The following FTCDNL1 variants were observed in gnomAD, a reference collection of about 807,000 sequenced individuals.
The protein encoded by FTCDNL1 is formiminotransferase N-terminal subdomain-containing protein.
A neutral mutation model predicts 5.9 loss-of-function variants in FTCDNL1; 11 were observed. That is an observed-to-expected ratio of 1.87 (90% confidence interval 1.18 to 3.10). The LOEUF (loss-of-function observed/expected upper bound fraction) is 3.10. Among genes scored for constraint, FTCDNL1 ranks in the 30% most tolerant of loss-of-function variants. The pLI is 0.00. For missense variants in FTCDNL1, 115 were observed against 65.5 expected (o/e 1.76, Z -2.61); for synonymous variants, 58 against 24.8 (o/e 2.34, Z -3.99).
chr2:199,832,996 G>A (rs1702475604), intron 3 of FTCDNL1, among the ~76,000 whole-genome samples: 1 of 149,788 alleles, frequency 6.7e-6, no homozygotes, highest in South Asian at 2.1e-4. Context: ...TTAAGACAGG[G>A]TCTTCCTCTG....
intron 3 of FTCDNL1, among the ~76,000 whole-genome samples, chr2:199,836,638 A>C (rs941478100): frequency 6.6e-6 from 1 of 152,176 alleles, no homozygotes; most frequent in African/African-American, 2.4e-5. Flanking sequence ...ATGGTGGTAC[A>C]TGCTGTAGTT....
At chr2:199,822,094 T>C (rs1701730492) in intron 3 of FTCDNL1, among the ~76,000 whole-genome samples, 1 of 152,178 alleles carries the variant, frequency 6.6e-6, no homozygotes, top group Non-Finnish European at 1.5e-5. Flanking sequence ...AACCAATATA[T>C]ATACCTTAAT....
chr2:199,669,317 T>A, the FTCDNL1 span, among the ~76,000 whole-genome samples: 27 of 152,118 alleles, frequency 1.8e-4, no homozygotes, highest in South Asian at 3.5e-3. Context: ...GAGAAAAAAA[T>A]AAATAAATAA....
intron 3 of FTCDNL1, among the ~76,000 whole-genome samples, chr2:199,779,712 G>A (rs1013054537): frequency 2.0e-5 from 3 of 152,172 alleles, no homozygotes; most frequent in Admixed American, 1.3e-4. Context: ...GGCCCAGTGT[G>A]GTTTGTGTAC....
At chr2:199,812,895 C>G (rs897290230) in intron 4 of FTCDNL1, among the ~76,000 whole-genome samples, 171 bp from the exon 5 acceptor site, 1 of 152,122 alleles carries the variant, frequency 6.6e-6, no homozygotes, top group African/African-American at 2.4e-5. Flanking sequence ...TATAACAGGC[C>G]TGATGTCTTC....
At chr2:199,677,567 G>C in the FTCDNL1 span, among the ~76,000 whole-genome samples, 9 of 152,302 alleles carry the variant, frequency 5.9e-5, no homozygotes, top group East Asian at 1.7e-3. Context: ...GCCTAAGAGA[G>C]ATGGTGGGCT....
chr2:199,757,152 G>A (rs1269400204), downstream of FTCDNL1, among the ~76,000 whole-genome samples: 2 of 152,220 alleles, frequency 1.3e-5, no homozygotes, highest in South Asian at 4.1e-4. Context: ...CTAAAAGGAA[G>A]GAAGAAGAAC....
At chr2:199,799,926 A>G (rs1404724210) in intron 3 of FTCDNL1, among the ~76,000 whole-genome samples, 1 of 152,074 alleles carries the variant, frequency 6.6e-6, no homozygotes, top group Non-Finnish European at 1.5e-5. Flanking sequence ...GTAGATCTAA[A>G]TGCATTATTC....
At chr2:199,808,795 G>T (rs1700865507), downstream of FTCDNL1, among the ~76,000 whole-genome samples, 1 of 152,200 alleles carries the variant, frequency 6.6e-6, no homozygotes, top group African/African-American at 2.4e-5. Flanking sequence ...GTACATTACA[G>T]CTTATAGACA....
At chr2:199,824,629 T>C (rs975151054) in intron 3 of FTCDNL1, among the ~76,000 whole-genome samples, 6 of 152,212 alleles carry the variant, frequency 3.9e-5, no homozygotes, top group Admixed American at 6.5e-5. Flanking sequence ...TTCCTTTCAC[T>C]TGAACACTTA....
At chr2:199,673,950 C>T in the FTCDNL1 span, among the ~76,000 whole-genome samples, 1 of 152,188 alleles carries the variant, frequency 6.6e-6, no homozygotes, top group African/African-American at 2.4e-5. Flanking sequence ...GATTCACCCC[C>T]ATGCATCCAG....
At chr2:199,701,789 C>T in the FTCDNL1 span, among the ~76,000 whole-genome samples, 2 of 152,190 alleles carry the variant, frequency 1.3e-5, no homozygotes, top group Non-Finnish European at 2.9e-5. Flanking sequence ...AATCCCAACA[C>T]TTTGGGAGGC....
At chr2:199,849,988 G>T (rs1242008373) in intron 1 of FTCDNL1, among the ~76,000 whole-genome samples, 2 of 152,162 alleles carry the variant, frequency 1.3e-5, no homozygotes, top group Non-Finnish European at 2.9e-5. Flanking sequence ...TCTGAGACAC[G>T]CGTTAAACTT....
At chr2:199,845,410 CA>C (rs371942580) in intron 3 of FTCDNL1, among the ~76,000 whole-genome samples, 36 of 151,946 alleles carry the variant, frequency 2.4e-4, no homozygotes, top group African/African-American at 8.4e-4. Context: ...CTACTGAAAA[CA>C]ATATAAAAAG....
the FTCDNL1 span, among the ~76,000 whole-genome samples, chr2:199,701,000 G>A: frequency 1.6e-4 from 25 of 152,116 alleles, no homozygotes; most frequent in African/African-American, 5.3e-4. Context: ...AAGCAAATCT[G>A]ACTGATTTTC....
chr2:199,717,198 CA>C, the FTCDNL1 span, among the ~76,000 whole-genome samples: 48 of 152,254 alleles, frequency 3.2e-4, no homozygotes, highest in African/African-American at 1.1e-3. Flanking sequence ...CTGTGGAACA[CA>C]AAAAGAATTA....
At chr2:199,742,988 T>C in the FTCDNL1 span, among the ~76,000 whole-genome samples, 1 of 152,302 alleles carries the variant, frequency 6.6e-6, no homozygotes, top group East Asian at 1.9e-4. Flanking sequence ...GGAAATGTTA[T>C]TTATCTGTAA....
At chr2:199,793,906 G>A (rs554337408) in intron 3 of FTCDNL1, among the ~76,000 whole-genome samples, 32 of 152,050 alleles carry the variant, frequency 2.1e-4, no homozygotes, top group South Asian at 4.2e-4. Flanking sequence ...TTTTTTCTCC[G>A]CAAGGTTAGT....
Position 199,839,129 on chromosome 2 carries a change from C to T in FTCDNL1, c.211+6946G>A, listed in dbSNP as rs142229207. On this transcript the variant is annotated intron_variant, in intron 3 of 4. Transcript: ENST00000420128. ...GCATCCACTCAGAATAAGCAGCCAA[C>T]ACGGCATTATCAAACATTTAAGGAA... Among the ~76,000 whole-genome samples the T allele has an allele frequency of 1.9e-3, 289 of 151,866 alleles. 2 individuals carry two copies. The highest frequency in any genetic ancestry group is 6.2e-3 in the African/African-American group (256 of 41,394).
Sources: allele counts gnomAD v4.1 joint callset (sites outside exome capture counted in the v4.1 genomes callset), GRCh38; gene constraint gnomAD v4.1.1; transcripts MANE v1.5; gene names NCBI Gene and HGNC (gene_info 2026-07-23, HGNC 2026-07-21).